The following PKHD1 variants were observed in gnomAD, a reference collection of about 807,000 sequenced individuals.
PKHD1 encodes the protein PKHD1 ciliary IPT domain containing fibrocystin/polyductin.
PKHD1 carries 291 observed loss-of-function variants against 412.0 expected under a neutral mutation model. The ratio of observed to expected loss-of-function variants is 0.71; its 90% CI spans 0.64 to 0.78. The LOEUF is 0.78. Ranked by LOEUF, PKHD1 falls within the 30% of genes least tolerant of loss-of-function variation. The pLI is 0.00. For synonymous variants in PKHD1, 1,777 were observed against 1,821.5 expected, an observed-to-expected ratio of 0.98 and a Z score of 0.62; for missense variants, 4,825 against 4,950.7, an observed-to-expected ratio of 0.97 and a Z score of 0.76.
At chr6:52,016,635 C>CAAAAA (rs10579713) in intron 34 of PKHD1, among the ~76,000 whole-genome samples, 12 of 118,800 alleles carry the variant, frequency 1.0e-4, no homozygotes, top group Admixed American at 3.4e-4. Context: ...GACTCTGTCT[C>CAAAAA]AAAAAAAAAA....
chr6:51,797,262 C>A (rs1794761686), intron 52 of PKHD1, among the ~76,000 whole-genome samples: 1 of 152,156 alleles, frequency 6.6e-6, no homozygotes, highest in African/African-American at 2.4e-5. Context: ...GTGATGAGAA[C>A]AAGGTATATG....
intron 34 of PKHD1, among the ~76,000 whole-genome samples, chr6:52,016,214 C>T (rs1179341331): frequency 6.6e-6 from 1 of 152,216 alleles, no homozygotes; most frequent in Admixed American, 6.5e-5. Context: ...TCCAGCTAAA[C>T]CTAAACCTCT....
rs1769445083 is a variant in PKHD1 at position 51,837,515 on chromosome 6, T to G, written c.8108-1046A>C. 4.6e-5 allele frequency among the ~76,000 whole-genome samples: 7 copies of G among 152,208 alleles called. No homozygotes were observed. In the South Asian group the frequency reaches 1.5e-3, roughly 32 times the overall value. ...TGAGGTCAGGAGTTCAAGACCAGCC[T>G]GGCCAACATGGTAAAACCCATCTCT... is the stretch of plus-strand genomic sequence containing the variant. On this transcript the variant is annotated intron_variant, in intron 50 of 66. Transcript: ENST00000371117.
Position 51,815,939 on chromosome 6 carries a change from A to G in PKHD1, c.8302+14922T>C, listed in dbSNP as rs1562375295. On this transcript the variant is annotated intron_variant, in intron 52 of 66. Transcript: ENST00000371117. ...ATCTTTTGTGAAACCATATACATATATGATCATGTATAGCATATATAGCAC... is the reference window on the plus strand; with the variant it reads ...ATCTTTTGTGAAACCATATACATATGTGATCATGTATAGCATATATAGCAC... Among the ~76,000 whole-genome samples, 6 of 152,322 alleles carry G rather than the reference A, an allele frequency of 3.9e-5. 1 individual carries two copies. The South Asian group carries it at 1.2e-3, about 32-fold the overall frequency.
At chr6:51,648,797 T>A (rs1437201090) in intron 62 of PKHD1, among the ~76,000 whole-genome samples, 1 of 152,222 alleles carries the variant, frequency 6.6e-6, no homozygotes, top group Non-Finnish European at 1.5e-5. Flanking sequence ...GAAGGCTAGA[T>A]TTCAGAGAAG....
chr6:52,050,228 T>A lies in PKHD1; in HGVS notation c.2208A>T (p.Gly736=). 4.3e-6 allele frequency: 7 copies of A among 1,614,080 alleles called. No homozygotes were observed. The highest frequency in any genetic ancestry group is 5.9e-6 in the Non-Finnish European group (7 of 1,179,958). Residue 736 remains glycine (G), a synonymous_variant, in exon 22 of 67, where the codon GGA becomes GGT. Coordinates refer to ENST00000371117, the MANE Select transcript of PKHD1 (RefSeq NM_138694.4). ...AGGTGACACTGTAGACCGGAGGGGATCCCACCACAGAGACTGATTCCACCA... is the reference window on the plus strand; with the variant it reads ...AGGTGACACTGTAGACCGGAGGGGAACCCACCACAGAGACTGATTCCACCA... ...GNLVESVSVV[G]SPPVYSVTSW...
At chr6:51,872,415 G>GT (rs34630629) in intron 46 of PKHD1, among the ~76,000 whole-genome samples, 73,333 of 148,868 alleles carry the variant, frequency 0.49, 19,627 homozygotes, top group Middle Eastern at 0.65. Flanking sequence ...TTGTTTTTTG[G>GT]TTTTTTTTTT....
At chr6:51,702,955 T>C (rs1159902689) in intron 60 of PKHD1, among the ~76,000 whole-genome samples, 1 of 151,588 alleles carries the variant, frequency 6.6e-6, no homozygotes, top group Non-Finnish European at 1.5e-5. Flanking sequence ...TCCTGTAGTT[T>C]GTTCTAGATA....
chr6:51,828,010 T>C (rs1767612442), intron 52 of PKHD1, among the ~76,000 whole-genome samples: 2 of 152,112 alleles, frequency 1.3e-5, no homozygotes, highest in Non-Finnish European at 2.9e-5. Context: ...TAAGATTAAA[T>C]ACCTCAAGCA....
chr6:51,884,984 T>C (rs908238417), intron 45 of PKHD1, among the ~76,000 whole-genome samples: 3 of 152,234 alleles, frequency 2.0e-5, no homozygotes, highest in African/African-American at 4.8e-5. Flanking sequence ...GCTTTCTTCA[T>C]CCACAGTTAT....
At chr6:51,925,475 G>GTT (rs955734152) in intron 37 of PKHD1, among the ~76,000 whole-genome samples, 8 of 151,342 alleles carry the variant, frequency 5.3e-5, no homozygotes, top group Non-Finnish European at 1.2e-4. Flanking sequence ...GTGTGTGTGT[G>GTT]TGTGTAGGTA....
At chr6:51,629,978 T>C (rs1005599385) in intron 65 of PKHD1, among the ~76,000 whole-genome samples, 4 of 152,142 alleles carry the variant, frequency 2.6e-5, no homozygotes, top group Non-Finnish European at 5.9e-5. Context: ...TAATTCTTAA[T>C]GATTCATGTT....
intron 23 of PKHD1, 131 bp downstream of exon 23, chr6:52,048,361 A>G: frequency 2.1e-6 from 2 of 968,638 alleles, no homozygotes; most frequent in South Asian, 2.6e-5. Flanking sequence ...TGTCACTTTC[A>G]GACACTGGAA....
intron 41 of PKHD1, among the ~76,000 whole-genome samples, chr6:51,905,153 G>A (rs1248219221): frequency 3.9e-5 from 6 of 152,068 alleles, no homozygotes; most frequent in African/African-American, 9.7e-5. Flanking sequence ...AATATCAAAC[G>A]GTATTTAACA....
At chr6:51,646,207 G>A (rs890667686) in intron 63 of PKHD1, among the ~76,000 whole-genome samples, 1 of 152,170 alleles carries the variant, frequency 6.6e-6, no homozygotes, top group African/African-American at 2.4e-5. Context: ...CCCAGAATTG[G>A]ACTGTGATAT....
At chr6:51,669,756 T>A (rs1562066149) in intron 60 of PKHD1, among the ~76,000 whole-genome samples, 1 of 135,060 alleles carries the variant, frequency 7.4e-6, no homozygotes, top group Non-Finnish European at 1.5e-5. Flanking sequence ...GTCTTTGTTC[T>A]CGTTGGTTTC....
chr6:51,621,466 G>A (rs981413199), intron 66 of PKHD1, among the ~76,000 whole-genome samples: 3 of 152,160 alleles, frequency 2.0e-5, no homozygotes, highest in Non-Finnish European at 4.4e-5. Context: ...AACACTGCAA[G>A]TCGCCTATTT....
rs1802527316 is a variant in PKHD1 at position 52,028,263 on chromosome 6, C to T, written c.3453G>A (p.Pro1151=). ...VEVHVQDALA[P]VHTQSAWGLE... ...GGCCCCAAGCCGACTGTGTGTGAAC[C>T]GGAGCCAAGGCATCCTGGACGTGGA... The change falls in exon 30 of 67, where the codon CCG becomes CCA. Residue 1151 remains proline, a synonymous_variant. Transcript: ENST00000371117. The T allele has an allele frequency of 2.5e-6, 4 of 1,614,106 alleles. No homozygotes were observed. The highest frequency in any genetic ancestry group is 3.4e-6 in the Non-Finnish European group (4 of 1,180,012).
intron 40 of PKHD1, among the ~76,000 whole-genome samples, chr6:51,906,694 G>A (rs113348036): frequency 8.5e-5 from 13 of 152,262 alleles, no homozygotes; most frequent in Admixed American, 3.3e-4. Flanking sequence ...TAAGGATAAC[G>A]TGAAGAGCAC....
Sources: allele counts gnomAD v4.1 joint callset (sites outside exome capture counted in the v4.1 genomes callset), GRCh38; gene constraint gnomAD v4.1.1; transcripts MANE v1.5; gene names NCBI Gene and HGNC (gene_info 2026-07-23, HGNC 2026-07-21).